PDLIM5: variants seen among roughly 807,000 people sequenced by gnomAD.
The protein encoded by PDLIM5 is PDZ and LIM domain protein 5.
In PDLIM5, 34 loss-of-function variants were observed where a neutral mutation model predicts 64.2. The observed-to-expected ratio is 0.53, with a 90% CI of 0.40 to 0.71. PDLIM5 has a LOEUF of 0.71. Ranked by LOEUF, PDLIM5 falls within the 30% of genes least tolerant of loss-of-function variation. The probability of loss-of-function intolerance (pLI) is 0.00; values close to 1 mark genes in which losing one functional copy is unlikely to be tolerated. For missense variants in PDLIM5, 683 were observed against 733.6 expected (o/e 0.93, Z 0.80); for synonymous variants, 253 against 269.1 (o/e 0.94, Z 0.59).
At chr4:94,528,843 A>G (rs1398807461) in intron 3 of PDLIM5, among the ~76,000 whole-genome samples, 4 of 152,224 alleles carry the variant, frequency 2.6e-5, no homozygotes, top group African/African-American at 9.6e-5. Flanking sequence ...TGGGGTACTC[A>G]TGCCCAGATA....
At chr4:94,553,686 T>G (rs1733014010) in intron 3 of PDLIM5, among the ~76,000 whole-genome samples, 1 of 152,108 alleles carries the variant, frequency 6.6e-6, no homozygotes. Context: ...ACTGTGTGGA[T>G]TACCTTAGTG....
intron 8 of PDLIM5, among the ~76,000 whole-genome samples, chr4:94,626,436 C>G (rs1420159506): frequency 2.0e-5 from 3 of 152,112 alleles, no homozygotes; most frequent in Non-Finnish European, 4.4e-5. Flanking sequence ...GTGAGTTGAA[C>G]CCAGCTGTTT....
At chr4:94,639,084 T>C (rs1740796844) in intron 8 of PDLIM5, among the ~76,000 whole-genome samples, 1 of 152,102 alleles carries the variant, frequency 6.6e-6, no homozygotes, top group South Asian at 2.1e-4. Flanking sequence ...GGCTGAGACT[T>C]AAACAATAAA....
In PDLIM5 at chr4:94,666,954, A is replaced by G. The variant is rs1743109161; in HGVS notation, c.*2887A>G. 6.6e-6 allele frequency: 1 copy of G among 152,262 alleles called. No homozygotes were observed. The highest frequency in any genetic ancestry group is 2.1e-4 in the South Asian group (1 of 4,808). 9.4% of individuals were successfully genotyped at this position (152,262 alleles called of 1,614,324 possible). On this transcript the variant is annotated 3_prime_UTR_variant, in exon 13 of 13. Transcript: ENST00000317968. ...CCTTGGGGAATGCCATATTTAATTC[A>G]CCAGCAGTAATCCTTTAATAACTGG... is the stretch of plus-strand genomic sequence containing the variant.
At chr4:94,608,480 G>A (rs1333504968) in intron 7 of PDLIM5, among the ~76,000 whole-genome samples, 1 of 152,074 alleles carries the variant, frequency 6.6e-6, no homozygotes, top group Non-Finnish European at 1.5e-5. Context: ...TAGAGCATTT[G>A]CCTCAAAGAC....
At chr4:94,572,250 A>T (rs1734867417) in intron 3 of PDLIM5, among the ~76,000 whole-genome samples, 2 of 152,186 alleles carry the variant, frequency 1.3e-5, no homozygotes, top group Non-Finnish European at 2.9e-5. Context: ...CTAGTGTGAT[A>T]TGAGTGGAAT....
intron 8 of PDLIM5, among the ~76,000 whole-genome samples, chr4:94,625,455 C>CTT (rs755099642): frequency 2.8e-5 from 4 of 141,802 alleles, no homozygotes; most frequent in Non-Finnish European, 1.6e-5. Flanking sequence ...TAATATTAGA[C>CTT]TTTTTTTTTT....
chr4:94,656,494 TC>T (rs1742218730), intron 10 of PDLIM5, among the ~76,000 whole-genome samples: 1 of 151,656 alleles, frequency 6.6e-6, no homozygotes, highest in South Asian at 2.1e-4. Context: ...TTAGCTGATT[TC>T]CAAAAGCCTA....
rs1472327595 is a variant in PDLIM5, at chr4:94,575,888, C to G, written c.564C>G (p.Asp188Glu). Residue 188 changes from aspartate (D) to glutamate (E), a missense_variant, in exon 5 of 13, where the codon GAC (aspartate) becomes GAG (glutamate). Asp to Glu is a conservative substitution (Grantham distance 45). Coordinates refer to ENST00000317968, the MANE Select transcript of PDLIM5 (RefSeq NM_006457.5). ...ATGCTAATGCCAATCTTAGTGCTGACCAGTCTCCATCTGCACTGAGCGCTG... is the reference window on the plus strand; with the variant it reads ...ATGCTAATGCCAATCTTAGTGCTGAGCAGTCTCCATCTGCACTGAGCGCTG... ...GLHANANLSA[D>E]QSPSALSAGK... 6.2e-7 allele frequency: 1 copy of G among 1,614,148 alleles called. No individual in the cohort carries two copies. The highest frequency in any genetic ancestry group is 8.5e-7 in the Non-Finnish European group (1 of 1,180,026).
At chr4:94,473,908 T>TA (rs1416704831) in intron 2 of PDLIM5, among the ~76,000 whole-genome samples, 18 of 152,214 alleles carry the variant, frequency 1.2e-4, no homozygotes, top group African/African-American at 4.1e-4. Flanking sequence ...AGTTCAGTGA[T>TA]AATTTTTATG....
At chr4:94,523,917 T>C in intron 3 of PDLIM5, 42 bp downstream of exon 3, 1 of 1,504,868 alleles carries the variant, frequency 6.6e-7, no homozygotes, top group Non-Finnish European at 9.2e-7. Context: ...AAAACAACAT[T>C]GAGGAATGTG....
intron 10 of PDLIM5, among the ~76,000 whole-genome samples, chr4:94,656,481 A>G (rs184167041): frequency 4.6e-5 from 7 of 151,844 alleles, no homozygotes; most frequent in Admixed American, 4.6e-4. Context: ...GCTTAGTGCC[A>G]TCTTAGCTGA....
intron 2 of PDLIM5, among the ~76,000 whole-genome samples, chr4:94,511,125 CACA>C (rs927929623): frequency 1.3e-5 from 2 of 152,142 alleles, no homozygotes; most frequent in African/African-American, 4.8e-5. Flanking sequence ...TGCCCAAAGT[CACA>C]ACATTTGTTA....
intron 8 of PDLIM5, among the ~76,000 whole-genome samples, chr4:94,621,893 A>G (rs905494113): frequency 1.3e-5 from 2 of 152,326 alleles, no homozygotes; most frequent in Middle Eastern, 3.4e-3. Context: ...ATAAAACAAA[A>G]TTATAAAAAG....
At chr4:94,573,167 G>A (rs1286242040) in intron 3 of PDLIM5, among the ~76,000 whole-genome samples, 184 bp from the exon 4 acceptor site, 1 of 152,150 alleles carries the variant, frequency 6.6e-6, no homozygotes, top group East Asian at 1.9e-4. Context: ...GAATCTTGCA[G>A]CATTTGACTT....
intron 7 of PDLIM5, chr4:94,610,048 CT>C (rs1211141381): frequency 8.0e-6 from 5 of 626,756 alleles, no homozygotes; most frequent in African/African-American, 7.4e-5. Flanking sequence ...ACACTTCACA[CT>C]TTTATAATGC....
intron 3 of PDLIM5, among the ~76,000 whole-genome samples, chr4:94,525,509 C>T (rs1469242911): frequency 6.6e-6 from 1 of 152,122 alleles, no homozygotes; most frequent in African/African-American, 2.4e-5. Flanking sequence ...TTCTTGGAGC[C>T]TCTCCTAGGA....
At position 94,575,777 on chromosome 4, in the gene PDLIM5, C is replaced by T; in HGVS notation, c.453C>T (p.Thr151=). 6.2e-7 allele frequency: 1 copy of T among 1,614,082 alleles called. No homozygotes were observed. The highest frequency in any genetic ancestry group is 8.5e-7 in the Non-Finnish European group (1 of 1,179,988). Residue 151 remains threonine (T), a synonymous_variant, in exon 5 of 13, where the codon ACC becomes ACT. Coordinates refer to ENST00000317968, the MANE Select transcript of PDLIM5 (RefSeq NM_006457.5). Reference sequence around the variant, plus strand: ...TCCCATCACCATCGTCTGCCTTCACCCCAGCCCATGCGACCACCTCATCAC... The same window carrying T: ...TCCCATCACCATCGTCTGCCTTCACTCCAGCCCATGCGACCACCTCATCAC... ...TSIPSPSSAF[T]PAHATTSSHA...
At chr4:94,559,983 C>T (rs1312877407) in intron 3 of PDLIM5, among the ~76,000 whole-genome samples, 1 of 152,102 alleles carries the variant, frequency 6.6e-6, no homozygotes, top group Non-Finnish European at 1.5e-5. Context: ...GGATTAGGAG[C>T]AAAGCTTCTT....
Sources: allele counts gnomAD v4.1 joint callset (sites outside exome capture counted in the v4.1 genomes callset), GRCh38; gene constraint gnomAD v4.1.1; transcripts MANE v1.5; gene names NCBI Gene and HGNC (gene_info 2026-07-23, HGNC 2026-07-21).